Variants in POLR3B observed in about 807,000 individuals in gnomAD.
POLR3B encodes the protein DNA-directed RNA polymerase III subunit RPC2.
A neutral mutation model predicts 147.4 loss-of-function variants in POLR3B; 96 were observed. That is an observed-to-expected ratio of 0.65 (90% CI 0.55 to 0.77). The LOEUF is 0.77. POLR3B is among the 30% of genes least tolerant of loss of function. The pLI is 0.00. For synonymous variants in POLR3B, 461 were observed against 485.9 expected (o/e 0.95, Z 0.67); for missense variants, 1,036 against 1,413.5 (o/e 0.73, Z 4.28).
At chr12:106,437,009 A>AT in intron 16 of POLR3B, 48 bp from the exon 17 acceptor site, 1 of 1,454,894 alleles carries the variant, frequency 6.9e-7, no homozygotes, top group Non-Finnish European at 9.6e-7. Flanking sequence ...TGCCTGTGTA[A>AT]TTTTTCCCTG....
chr12:106,464,930 G>C (rs1351781231), intron 23 of POLR3B, among the ~76,000 whole-genome samples: 1 of 152,174 alleles, frequency 6.6e-6, no homozygotes, highest in Non-Finnish European at 1.5e-5. Context: ...TGTTGACAGA[G>C]GCAAGATTAT....
chr12:106,507,075 C>T (rs1243438429), intron 27 of POLR3B, among the ~76,000 whole-genome samples: 2 of 152,098 alleles, frequency 1.3e-5, no homozygotes, highest in African/African-American at 4.8e-5. Flanking sequence ...ACAGAAGACA[C>T]TAAGGGCATA....
chr12:106,434,351 C>T (rs2037549136), intron 16 of POLR3B, among the ~76,000 whole-genome samples: 1 of 152,004 alleles, frequency 6.6e-6, no homozygotes, highest in East Asian at 1.9e-4. Context: ...TGATTTTGCC[C>T]ACTATAGTCT....
chr12:106,504,180 G>A lies in POLR3B; in HGVS notation c.3198G>A (p.Glu1066=), dbSNP rs745914949. Residue 1066 remains glutamate, a synonymous_variant, in exon 27 of 28, where the codon GAG becomes GAA. Coordinates refer to ENST00000228347, the MANE Select transcript of POLR3B (RefSeq NM_018082.6). The surrounding 1 kb of genome is among the most constrained non-coding windows in gnomAD (Gnocchi z 4.6). ...ATGGAGCCAGTATGCTTTTGCTAGA[G>A]AGACTAATGATTTCAAGTGATGCCT... ...IGYGASMLLL[E]RLMISSDAFE... 5.6e-6 allele frequency: 9 copies of A among 1,614,068 alleles called. No homozygotes were observed. The highest frequency in any genetic ancestry group is 7.6e-6 in the Non-Finnish European group (9 of 1,180,006).
Position 106,497,136 on chromosome 12 carries a change from A to C in POLR3B, c.2984+218A>C, listed in dbSNP as rs556300743. Among the ~76,000 whole-genome samples, 3 of 105,094 alleles carry C rather than the reference A, an allele frequency of 2.9e-5. No individual in the cohort carries two copies. In the South Asian group the frequency reaches 1.1e-3, roughly 39 times the overall value. 68.9% of individuals were successfully genotyped at this position (105,094 alleles called of 152,430 possible). A position where few individuals can be genotyped will look rare whatever the true frequency, so the allele number is the denominator to read the frequency against. ...AGTTTTTCATGATTTAAAAAAAAAA[A>C]TTTTTTTTTTTTTAGCTCATCAGCT... On this transcript the variant is annotated intron_variant, in intron 25 of 27. Transcript: ENST00000228347.
At chr12:106,427,119 C>T (rs895371303) in intron 12 of POLR3B, 78 bp from the exon 13 acceptor site, 3 of 980,132 alleles carry the variant, frequency 3.1e-6, no homozygotes, top group Non-Finnish European at 4.5e-6. Context: ...TTTTAAAAAT[C>T]TTAAGACCTA....
intron 1 of POLR3B, among the ~76,000 whole-genome samples, chr12:106,359,608 C>T (rs1317519969): frequency 6.6e-6 from 1 of 152,146 alleles, no homozygotes; most frequent in African/African-American, 2.4e-5. Flanking sequence ...GGATTACAAG[C>T]GTGAGCCACC....
intron 10 of POLR3B, among the ~76,000 whole-genome samples, chr12:106,397,377 C>T (rs2036993030): frequency 6.6e-6 from 1 of 152,132 alleles, no homozygotes; most frequent in Non-Finnish European, 1.5e-5. Flanking sequence ...ATTTCCTTAT[C>T]CCACAGAGTT....
At chr12:106,411,701 G>T (rs1030090960) in intron 12 of POLR3B, among the ~76,000 whole-genome samples, 1 of 152,136 alleles carries the variant, frequency 6.6e-6, no homozygotes, top group Admixed American at 6.6e-5. Context: ...GAAACAATCC[G>T]CTGATTGTTT....
chr12:106,490,902 A>G (rs146790814), intron 23 of POLR3B, among the ~76,000 whole-genome samples: 24 of 152,312 alleles, frequency 1.6e-4, no homozygotes, highest in African/African-American at 4.8e-4. Context: ...CTATTCCCCA[A>G]TAGATATCTG....
intron 22 of POLR3B, among the ~76,000 whole-genome samples, chr12:106,462,931 A>G (rs1170678683): frequency 6.6e-6 from 1 of 152,048 alleles, no homozygotes; most frequent in Non-Finnish European, 1.5e-5. Context: ...CATACCAGAT[A>G]CCATTACTGC....
chr12:106,487,839 G>C (rs1365176894), intron 23 of POLR3B, among the ~76,000 whole-genome samples: 1 of 152,154 alleles, frequency 6.6e-6, no homozygotes, highest in African/African-American at 2.4e-5. Context: ...AGACTGAAGG[G>C]GGCAGAATGC....
At chr12:106,443,865 G>T (rs1038380025) in intron 18 of POLR3B, among the ~76,000 whole-genome samples, 4 of 125,050 alleles carry the variant, frequency 3.2e-5, no homozygotes, top group Non-Finnish European at 6.8e-5. Flanking sequence ...TCGCTCTCTC[G>T]CCAGGCTGGA....
Position 106,380,135 on chromosome 12 carries a change from T to A in POLR3B, c.719T>A (p.Phe240Tyr). The change falls in exon 9 of 28, where the codon TTT becomes TAT. Residue 240 changes from phenylalanine to tyrosine, a missense_variant. By Grantham distance (22) the Phe-to-Tyr change is conservative. Coordinates refer to ENST00000228347, the MANE Select transcript of POLR3B (RefSeq NM_018082.6). ...GAAGATATACCCATTGTCATCATAT[T>A]TAAGGTAAAGCTGCAGCTCTCTTCT... ...LSEDIPIVIIFKAMGVESDQE... is the reference protein window; with the variant it reads ...LSEDIPIVIIYKAMGVESDQE... 1 of 1,531,582 alleles carries A rather than the reference T, an allele frequency of 6.5e-7. No individual in the cohort carries two copies. Among genetic ancestry groups the A allele is most frequent in the Non-Finnish European group, 9.1e-7 (1 of 1,104,944 alleles). The allele number at this position is 1,531,582 out of a possible 1,614,324, so 94.9% of individuals were successfully genotyped here. A position where few individuals can be genotyped will look rare whatever the true frequency, so the allele number is the denominator to read the frequency against.
At chr12:106,358,919 T>C (rs1047740352) in intron 1 of POLR3B, among the ~76,000 whole-genome samples, 12 of 152,222 alleles carry the variant, frequency 7.9e-5, no homozygotes, top group African/African-American at 2.7e-4. Flanking sequence ...TCAGTAAGTC[T>C]ATCGGATTAT....
intron 11 of POLR3B, among the ~76,000 whole-genome samples, chr12:106,409,258 C>T (rs1479381267): frequency 3.3e-5 from 5 of 150,656 alleles, no homozygotes; most frequent in Admixed American, 3.3e-4. Context: ...TTCGAAATAC[C>T]AATTGAAAAT....
At chr12:106,358,317 C>A in intron 1 of POLR3B, 1 of 1,092,392 alleles carries the variant, frequency 9.2e-7, no homozygotes. Context: ...GAGCTCAGGC[C>A]ATTTGCATGA....
intron 26 of POLR3B, among the ~76,000 whole-genome samples, chr12:106,503,837 TATTC>T (rs1051663474): frequency 2.0e-5 from 3 of 152,248 alleles, no homozygotes; most frequent in African/African-American, 7.2e-5. Flanking sequence ...TGCAATTATA[TATTC>T]ATTTAACCAT....
chr12:106,469,315 C>T (rs1180615534), intron 23 of POLR3B, among the ~76,000 whole-genome samples: 3 of 147,124 alleles, frequency 2.0e-5, no homozygotes, highest in African/African-American at 5.1e-5. Flanking sequence ...GATCTTCCTC[C>T]ATCCCTTTAT....
Sources: allele counts gnomAD v4.1 joint callset (sites outside exome capture counted in the v4.1 genomes callset), GRCh38; gene constraint gnomAD v4.1.1; non-coding constraint Gnocchi (gnomAD v3.1); transcripts MANE v1.5; gene names NCBI Gene and HGNC (gene_info 2026-07-23, HGNC 2026-07-21).